CMIP: variants seen among roughly 807,000 people sequenced by gnomAD.
CMIP encodes the protein c-Maf inducing protein, also known as C-Maf-inducing protein.
A neutral mutation model predicts 97.3 loss-of-function variants in CMIP; 13 were observed. The ratio of observed to expected loss-of-function variants is 0.13; its 90% CI spans 0.09 to 0.21. CMIP has a LOEUF of 0.21. Among genes scored for constraint, CMIP ranks in the 10% least tolerant of loss-of-function variants. The probability of loss-of-function intolerance (pLI) is 1.00; values close to 1 mark genes in which losing one functional copy is unlikely to be tolerated. For synonymous variants in CMIP, 538 were observed against 436.3 expected, an observed-to-expected ratio of 1.23 and a Z score of -2.91; for missense variants, 847 against 1,024.9, an observed-to-expected ratio of 0.83 and a Z score of 2.37.
chr16:81,495,542 C>T (rs371829429), intron 1 of CMIP: 2 of 1,598,516 alleles, frequency 1.3e-6, no homozygotes, highest in Non-Finnish European at 1.7e-6. Context: ...ATGTCTGTGC[C>T]TAAAACCTCG....
chr16:81,502,922 C>T (rs1379980854), intron 1 of CMIP, among the ~76,000 whole-genome samples: 2 of 152,214 alleles, frequency 1.3e-5, no homozygotes, highest in Non-Finnish European at 1.5e-5. Context: ...CGGGTAATCA[C>T]TTTGTCTTTG....
At chr16:81,532,431 C>T (rs895860002) in intron 1 of CMIP, among the ~76,000 whole-genome samples, 3 of 152,140 alleles carry the variant, frequency 2.0e-5, no homozygotes, top group Admixed American at 6.5e-5. Flanking sequence ...CCTGCCAGGC[C>T]AATACATTGA....
chr16:81,608,439 C>T (rs1384879220), intron 2 of CMIP, among the ~76,000 whole-genome samples: 2 of 152,142 alleles, frequency 1.3e-5, no homozygotes, highest in Non-Finnish European at 2.9e-5. Context: ...GACCCACCTG[C>T]AGCCCAAAGC....
At chr16:81,545,770 A>G (rs1053487225) in intron 1 of CMIP, among the ~76,000 whole-genome samples, 2 of 152,226 alleles carry the variant, frequency 1.3e-5, no homozygotes, top group African/African-American at 4.8e-5. Context: ...TTACCTGGGC[A>G]TAGAAGCCTT....
chr16:81,639,489 G>A (rs896836806), intron 3 of CMIP, among the ~76,000 whole-genome samples: 4 of 152,150 alleles, frequency 2.6e-5, no homozygotes, highest in African/African-American at 7.2e-5. Flanking sequence ...CCTCATATGC[G>A]TGGAATCACA....
chr16:81,530,202 C>G (rs757014731), intron 1 of CMIP, among the ~76,000 whole-genome samples: 14 of 152,180 alleles, frequency 9.2e-5, no homozygotes, highest in Non-Finnish European at 8.8e-5. Flanking sequence ...CTGATCCATT[C>G]CTACCAGGGT....
At chr16:81,526,466 A>G (rs543387574) in intron 1 of CMIP, among the ~76,000 whole-genome samples, 3 of 152,332 alleles carry the variant, frequency 2.0e-5, no homozygotes, top group Admixed American at 6.5e-5. Flanking sequence ...GAATATCATT[A>G]CATTCATCAG....
intron 1 of CMIP, among the ~76,000 whole-genome samples, chr16:81,495,677 T>C (rs2089477088): frequency 6.6e-6 from 1 of 152,210 alleles, no homozygotes; most frequent in Non-Finnish European, 1.5e-5. Context: ...GAGGAATGGC[T>C]GAGACCCCAA....
At chr16:81,702,528 A>G (rs1907534744) in intron 16 of CMIP, 94 bp from the exon 17 acceptor site, 1 of 1,281,452 alleles carries the variant, frequency 7.8e-7, no homozygotes, top group South Asian at 1.3e-5. Context: ...CAAGAAAATA[A>G]CGATGGCTCC....
rs1244026879 is a variant in CMIP, at chr16:81,614,481, A to T, written c.427-6395A>T. ...GGAGCCCGGAGGGAAGAGACCTGGAAATGACACAAATGATGACCCCAGCAA... is the reference window on the plus strand; with the variant it reads ...GGAGCCCGGAGGGAAGAGACCTGGATATGACACAAATGATGACCCCAGCAA... On this transcript the variant is annotated intron_variant, in intron 2 of 20. Coordinates refer to ENST00000537098, the MANE Select transcript of CMIP (RefSeq NM_198390.3). This position sits in a 1 kb window ranked among gnomAD's most constrained non-coding sequence, Gnocchi z 5.3. 6.6e-6 allele frequency among the ~76,000 whole-genome samples: 1 copy of T among 152,166 alleles called. No individual in the cohort carries two copies. Among genetic ancestry groups the T allele is most frequent in the Non-Finnish European group, 1.5e-5 (1 of 68,036 alleles).
intron 1 of CMIP, among the ~76,000 whole-genome samples, chr16:81,513,085 C>T (rs1001045796): frequency 3.9e-5 from 6 of 152,214 alleles, no homozygotes; most frequent in Non-Finnish European, 7.3e-5. Flanking sequence ...TTGGATGCTC[C>T]GGTTGGCCCA....
chr16:81,502,223 A>T, intron 1 of CMIP, among the ~76,000 whole-genome samples: 1 of 152,246 alleles, frequency 6.6e-6, no homozygotes, highest in Non-Finnish European at 1.5e-5. Context: ...CAGTTGCAGC[A>T]TAACAAGGAT....
chr16:81,572,400 G>T (rs2091108568), intron 1 of CMIP, among the ~76,000 whole-genome samples: 1 of 152,216 alleles, frequency 6.6e-6, no homozygotes, highest in African/African-American at 2.4e-5. Flanking sequence ...GTGGGGGCGT[G>T]CGAGGTTGGA....
intron 1 of CMIP, among the ~76,000 whole-genome samples, chr16:81,450,287 C>T (rs767107636): frequency 6.6e-6 from 1 of 152,182 alleles, no homozygotes; most frequent in Non-Finnish European, 1.5e-5. Context: ...TTAGGTGAGG[C>T]AGCCTGATAT....
intron 1 of CMIP, among the ~76,000 whole-genome samples, chr16:81,509,160 A>T (rs1195321760): frequency 6.6e-6 from 1 of 152,230 alleles, no homozygotes; most frequent in East Asian, 1.9e-4. Flanking sequence ...AGGTGTCACC[A>T]ACACCGTGTG....
Position 81,709,738 on chromosome 16 carries a change from A to G in CMIP, c.2269-8A>G. 1.2e-6 allele frequency: 2 copies of G among 1,613,758 alleles called. No individual in the cohort carries two copies. The highest frequency in any genetic ancestry group is 1.3e-5 in the African/African-American group (1 of 75,012). ...ACACGTGACAAGGACTCTTATTGCC[A>G]CCCCCAGGCCAAGCTTCCCAATTTG... On this transcript the variant is annotated splice_region_variant and splice_polypyrimidine_tract_variant and intron_variant, in intron 20 of 20. Coordinates refer to ENST00000537098, the MANE Select transcript of CMIP (RefSeq NM_198390.3).
At chr16:81,567,829 C>G in intron 1 of CMIP, among the ~76,000 whole-genome samples, 1 of 152,306 alleles carries the variant, frequency 6.6e-6, no homozygotes, top group South Asian at 2.1e-4. Context: ...CTGTTCACTG[C>G]TGTATATCTG....
chr16:81,672,569 T>C (rs2092692607), intron 9 of CMIP, among the ~76,000 whole-genome samples: 1 of 152,128 alleles, frequency 6.6e-6, no homozygotes, highest in South Asian at 2.1e-4. Context: ...ATGATTTGCA[T>C]GGTTTTATTT....
chr16:81,691,644 G>GGTGGA (rs1168556256), intron 10 of CMIP, 131 bp from the exon 11 acceptor site: 1 of 710,084 alleles, frequency 1.4e-6, no homozygotes, highest in African/African-American at 1.7e-5. Flanking sequence ...GGTGGAAGTG[G>GGTGGA]GTGGAGAAGT....
Sources: gnomAD v4.1 joint callset for allele counts (sites outside exome capture counted in the v4.1 genomes callset) on GRCh38, gnomAD v4.1.1 for gene constraint, Gnocchi (gnomAD v3.1) non-coding constraint, MANE v1.5 for transcripts, NCBI Gene and HGNC (gene_info 2026-07-23, HGNC 2026-07-21) for gene names.